The following YWHAE variants were observed in gnomAD, a reference collection of about 807,000 sequenced individuals.
YWHAE encodes the protein tyrosine 3-monooxygenase/tryptophan 5-monooxygenase activation protein epsilon, also known as 14-3-3 protein epsilon.
Under a neutral mutation model 30.1 loss-of-function variants are expected in YWHAE, and 4 were observed. The ratio of observed to expected loss-of-function variants is 0.13; its 90% CI spans 0.07 to 0.30. The LOEUF is 0.30. YWHAE is among the 10% of genes least tolerant of loss of function. YWHAE has a pLI of 1.00. For missense variants in YWHAE, 121 were observed against 315.9 expected (o/e 0.38, Z 4.68); for synonymous variants, 118 against 111.8 (o/e 1.06, Z -0.35).
At chr17:1,359,628 G>A (rs1196419482) in intron 4 of YWHAE, among the ~76,000 whole-genome samples, 1 of 151,628 alleles carries the variant, frequency 6.6e-6, no homozygotes, top group Non-Finnish European at 1.5e-5. Context: ...ACTTACATGA[G>A]GTATCTAGAA....
chr17:1,385,044 T>C (rs1036341770), intron 1 of YWHAE, among the ~76,000 whole-genome samples: 2 of 150,086 alleles, frequency 1.3e-5, no homozygotes, highest in Non-Finnish European at 3.0e-5. Context: ...TTGCCCTGGC[T>C]GCCTTGCAGT....
intron 4 of YWHAE, 33 bp downstream of exon 4, chr17:1,361,059 C>G (rs372390426): frequency 6.3e-7 from 1 of 1,597,022 alleles, no homozygotes; most frequent in African/African-American, 1.3e-5. Context: ...TTAACTTTCA[C>G]GCTGAGCGCT....
intron 4 of YWHAE, among the ~76,000 whole-genome samples, chr17:1,357,409 A>C (rs972171018): frequency 4.1e-5 from 6 of 145,702 alleles, no homozygotes; most frequent in Non-Finnish European, 7.5e-5. Context: ...TCTCAAAAAA[A>C]AAAAAAAAAA....
chr17:1,396,640 T>C (rs913462510), intron 1 of YWHAE, among the ~76,000 whole-genome samples: 1 of 152,122 alleles, frequency 6.6e-6, no homozygotes, highest in African/African-American at 2.4e-5. Context: ...CCCCTCTATA[T>C]TCCCCGTTTT....
rs550536505 is a variant in YWHAE at position 1,380,096 on chromosome 17, G to A, written c.65-15038C>T. Among the ~76,000 whole-genome samples, 10 of 146,908 alleles carry A rather than the reference G, an allele frequency of 6.8e-5. No individual in the cohort carries two copies. The South Asian group carries it at 1.9e-3, about 28-fold the overall frequency. ...ACCACACTTACAGCAAAGAGTTTCA[G>A]ACTAGAAGACTAGACTTTTTTTTTT... On this transcript the variant is annotated intron_variant, in intron 1 of 5. Transcript: ENST00000264335.
chr17:1,351,832 C>G (rs915804905), intron 5 of YWHAE, among the ~76,000 whole-genome samples: 2 of 152,064 alleles, frequency 1.3e-5, no homozygotes, highest in African/African-American at 4.8e-5. Flanking sequence ...GCCACCCAGG[C>G]TAGAGTGCAG....
Position 1,361,983 on chromosome 17 carries a change from C to G in YWHAE, c.290G>C (p.Cys97Ser), listed in dbSNP as rs1353238797. 6.3e-7 allele frequency: 1 copy of G among 1,595,578 alleles called. No homozygotes were observed. Among genetic ancestry groups the G allele is most frequent in the Non-Finnish European group, 8.5e-7 (1 of 1,174,382 alleles). ...GTCCAGTACATCCAGAATGTCACAA[C>G]AGATTAACTTTAGCTCAGTCTCAAC... is the stretch of plus-strand genomic sequence containing the variant. ...QMVETELKLI[C>S]CDILDVLDKH... The change falls in exon 3 of 6, where the codon TGT becomes TCT. Residue 97 changes from cysteine (C) to serine (S), a missense_variant. Transcript: ENST00000264335.
chr17:1,385,212 A>G (rs1021364058), intron 1 of YWHAE, among the ~76,000 whole-genome samples: 3 of 152,042 alleles, frequency 2.0e-5, no homozygotes, highest in African/African-American at 7.2e-5. Flanking sequence ...TGAAACCAGA[A>G]AAGTTAAAGG....
rs990707020 is a variant in YWHAE at position 1,400,176 on chromosome 17, G to A, written c.-66C>T. 4.4e-6 allele frequency: 7 copies of A among 1,590,890 alleles called. No homozygotes were observed. The South Asian group carries it at 5.5e-5, about 13-fold the overall frequency. On this transcript the variant is annotated 5_prime_UTR_variant, in exon 1 of 6. Transcript: ENST00000264335. The stretch of plus-strand genomic sequence containing the variant: ...GCGGATAGTGTCTCCGACTCTCTCA[G>A]CCTCTCGCTCCGCGTCCGGGCAGCA...
chr17:1,367,799 C>T (rs995980262), intron 1 of YWHAE, among the ~76,000 whole-genome samples: 3 of 152,056 alleles, frequency 2.0e-5, no homozygotes, highest in Non-Finnish European at 2.9e-5. Flanking sequence ...TTGCAAAAAA[C>T]ACAAACTAAA....
At chr17:1,389,032 C>G (rs1194095431) in intron 1 of YWHAE, among the ~76,000 whole-genome samples, 1 of 152,240 alleles carries the variant, frequency 6.6e-6, no homozygotes, top group African/African-American at 2.4e-5. Flanking sequence ...GTGGTCTTAT[C>G]ATGGCTCACT....
intron 1 of YWHAE, among the ~76,000 whole-genome samples, chr17:1,386,325 T>G (rs534169081): frequency 7.2e-5 from 11 of 152,276 alleles, no homozygotes; most frequent in African/African-American, 2.6e-4. Context: ...CCAGACACCA[T>G]TGGTGCTAAT....
At chr17:1,364,006 T>G (rs1049366062) in intron 2 of YWHAE, among the ~76,000 whole-genome samples, 4 of 152,172 alleles carry the variant, frequency 2.6e-5, no homozygotes, top group African/African-American at 9.7e-5. Flanking sequence ...CAAAAGTATT[T>G]CTAGACATTG....
chr17:1,357,559 A>G (rs1440978681), intron 4 of YWHAE, among the ~76,000 whole-genome samples: 1 of 151,936 alleles, frequency 6.6e-6, no homozygotes, highest in East Asian at 1.9e-4. Context: ...CAGCCACAGC[A>G]GCAGAGTGAG....
chr17:1,374,257 G>T (rs1462899800), intron 1 of YWHAE, among the ~76,000 whole-genome samples: 1 of 151,620 alleles, frequency 6.6e-6, no homozygotes, highest in African/African-American at 2.4e-5. Context: ...GGCGGAGGTT[G>T]CAGTGACCCG....
At chr17:1,356,951 A>C (rs1017107664) in intron 4 of YWHAE, among the ~76,000 whole-genome samples, 2 of 149,962 alleles carry the variant, frequency 1.3e-5, no homozygotes, top group African/African-American at 4.9e-5. Context: ...GTTGTCCTCA[A>C]ACAAACCAAA....
chr17:1,363,916 T>A (rs2072902689), intron 2 of YWHAE, among the ~76,000 whole-genome samples: 1 of 152,194 alleles, frequency 6.6e-6, no homozygotes, highest in South Asian at 2.1e-4. Flanking sequence ...GGGCCCGTGC[T>A]GTGCCCAGTA....
rs541866273 is a variant in YWHAE at position 1,397,060 on chromosome 17, C to T, written c.64+2987G>A. ...CCTCAACCTCCTCAGTAGCTATGCC[C>T]GGATAATTTTTTTATTTTTGTAGAG... On this transcript the variant is annotated intron_variant, in intron 1 of 5. Transcript: ENST00000264335. Among the ~76,000 whole-genome samples the T allele has an allele frequency of 4.0e-5, 6 of 151,600 alleles. No homozygotes were observed. In the East Asian group the frequency reaches 1.2e-3, roughly 29 times the overall value.
chr17:1,352,211 G>C (rs970088624), intron 5 of YWHAE: 3 of 152,172 alleles, frequency 2.0e-5, no homozygotes, highest in Non-Finnish European at 4.4e-5. Context: ...TGGCACTGTT[G>C]CAAGTGTGTA....
Sources: allele counts gnomAD v4.1 joint callset (sites outside exome capture counted in the v4.1 genomes callset), GRCh38; gene constraint gnomAD v4.1.1; transcripts MANE v1.5; gene names NCBI Gene and HGNC (gene_info 2026-07-23, HGNC 2026-07-21).